The following GABBR2 variants were observed in gnomAD, a reference collection of about 807,000 sequenced individuals.
GABBR2 encodes gamma-aminobutyric acid type B receptor subunit 2, also known as G-protein coupled receptor 51.
GABBR2 carries 23 observed loss-of-function variants against 105.6 expected under a neutral mutation model. The observed-to-expected ratio is 0.22, with a 90% CI of 0.16 to 0.31. The LOEUF is 0.31. Ranked by LOEUF, GABBR2 falls within the 10% of genes least tolerant of loss-of-function variation. The pLI is 1.00. For missense variants in GABBR2, 734 were observed against 1,245.5 expected, an observed-to-expected ratio of 0.59 and a Z score of 6.18; for synonymous variants, 478 against 499.7, an observed-to-expected ratio of 0.96 and a Z score of 0.58.
Position 98,289,554 on chromosome 9 carries a change from A to G in GABBR2, c.*1030T>C, listed in dbSNP as rs1042647672. 2 of 152,484 alleles carry G rather than the reference A, an allele frequency of 1.3e-5. No homozygotes were observed. Among genetic ancestry groups the G allele is most frequent in the Admixed American group, 1.3e-4 (2 of 15,268 alleles). The allele number at this position is 152,484 out of a possible 1,614,324, so 9.4% of individuals were successfully genotyped here. On this transcript the variant is annotated 3_prime_UTR_variant, in exon 19 of 19. Transcript: ENST00000259455. Reference sequence around the variant, plus strand: ...TGGAAGCCAAGGGAAGCCCTCAGCCAGCAACTCTCTCCCCTATGTCTACGG... The same window carrying G: ...TGGAAGCCAAGGGAAGCCCTCAGCCGGCAACTCTCTCCCCTATGTCTACGG...
chr9:98,577,616 G>A lies in GABBR2; in HGVS notation c.459+319C>T, dbSNP rs544509938. Among the ~76,000 whole-genome samples the A allele has an allele frequency of 3.3e-5, 5 of 152,336 alleles. No individual in the cohort carries two copies. In the East Asian group the frequency reaches 5.8e-4, roughly 18 times the overall value. ...CTGGCAAGGCTGTGCTGTGGAGCAA[G>A]TGGAAGGAGCAGGAGATAACACTGG... On this transcript the variant is annotated intron_variant, in intron 2 of 18. Transcript: ENST00000259455.
intron 3 of GABBR2, among the ~76,000 whole-genome samples, chr9:98,503,167 G>A (rs890316202): frequency 6.6e-6 from 1 of 152,216 alleles, no homozygotes; most frequent in East Asian, 1.9e-4. Context: ...AGGCCAGGAG[G>A]TGGGGCAGGG....
chr9:98,413,641 G>C lies in GABBR2; in HGVS notation c.1237-7500C>G, dbSNP rs150216183. 1.7e-3 allele frequency among the ~76,000 whole-genome samples: 265 copies of C among 152,344 alleles called. 2 individuals carry two copies. Among genetic ancestry groups the C allele is most frequent in the African/African-American group, 6.1e-3 (252 of 41,584 alleles). ...AGGAGCAGAATGGGAGGTGGGGTCTGTCCCACTGCCAGCCTTCGGCGGGTG... is the reference window on the plus strand; with the variant it reads ...AGGAGCAGAATGGGAGGTGGGGTCTCTCCCACTGCCAGCCTTCGGCGGGTG... On this transcript the variant is annotated intron_variant, in intron 7 of 18. Coordinates refer to ENST00000259455, the MANE Select transcript of GABBR2 (RefSeq NM_005458.8).
At chr9:98,396,822 T>G (rs1176424293) in intron 8 of GABBR2, among the ~76,000 whole-genome samples, 2 of 152,142 alleles carry the variant, frequency 1.3e-5, no homozygotes, top group Non-Finnish European at 2.9e-5. Flanking sequence ...CCCCTCTGAC[T>G]CACATACGCT....
intron 13 of GABBR2, among the ~76,000 whole-genome samples, chr9:98,327,875 T>A (rs192554545): frequency 0.021 from 2,292 of 108,234 alleles, 51 homozygotes; most frequent in African/African-American, 0.063. Flanking sequence ...TCAAAAAAAA[T>A]AAAATAAAAT....
chr9:98,702,068 G>A (rs770482548), intron 1 of GABBR2, among the ~76,000 whole-genome samples: 20 of 152,008 alleles, frequency 1.3e-4, no homozygotes, highest in Admixed American at 3.3e-4. Context: ...CCATTTCATC[G>A]ATGAAGAAAC....
rs1826908954 is a variant in GABBR2, at chr9:98,480,938, G to T, written c.792C>A (p.Phe264Leu). ...QFDQNMAAKV[F>L]CCAYEENMYG... ...ATACAACTGTTTTACTTACACAACA[G>T]AACACTTTTGCTGCCATATTCTGGT... The change falls in exon 5 of 19, where the codon TTC becomes TTA. Residue 264 changes from phenylalanine (F) to leucine (L), a missense_variant. Coordinates refer to ENST00000259455, the MANE Select transcript of GABBR2 (RefSeq NM_005458.8). The T allele has an allele frequency of 6.3e-7, 1 of 1,588,588 alleles. No individual in the cohort carries two copies. The highest frequency in any genetic ancestry group is 1.7e-5 in the Admixed American group (1 of 59,992).
intron 3 of GABBR2, among the ~76,000 whole-genome samples, chr9:98,536,057 A>T (rs955423917): frequency 6.6e-6 from 1 of 152,188 alleles, no homozygotes. Flanking sequence ...GGTGAGAATG[A>T]GGAGGCTGTG....
chr9:98,490,788 T>A (rs1827160480), intron 4 of GABBR2, among the ~76,000 whole-genome samples: 1 of 152,206 alleles, frequency 6.6e-6, no homozygotes, highest in African/African-American at 2.4e-5. Context: ...CAGGACGTGG[T>A]CTCTGTGCAG....
intron 7 of GABBR2, among the ~76,000 whole-genome samples, chr9:98,429,660 G>T (rs1300485762): frequency 6.6e-6 from 1 of 152,186 alleles, no homozygotes; most frequent in Non-Finnish European, 1.5e-5. Flanking sequence ...GTGGATTACA[G>T]GAAGACAGGA....
intron 8 of GABBR2, among the ~76,000 whole-genome samples, chr9:98,397,934 G>C (rs1832323613): frequency 6.6e-6 from 1 of 152,184 alleles, no homozygotes; most frequent in South Asian, 2.1e-4. Flanking sequence ...TGGGTCTGCA[G>C]ATGGAAGGAC....
chr9:98,523,159 G>A (rs1334474286), intron 3 of GABBR2, among the ~76,000 whole-genome samples: 1 of 152,002 alleles, frequency 6.6e-6, no homozygotes, highest in Non-Finnish European at 1.5e-5. Context: ...CAAAACAAGA[G>A]TAAAAAATAA....
At chr9:98,579,571 A>T (rs561322337) in intron 1 of GABBR2, among the ~76,000 whole-genome samples, 87 of 152,306 alleles carry the variant, frequency 5.7e-4, no homozygotes, top group Non-Finnish European at 1.0e-3. Context: ...CCTGCTTTCC[A>T]TGCACTTAAA....
chr9:98,308,269 G>C (rs1316237154), intron 14 of GABBR2, among the ~76,000 whole-genome samples: 1 of 152,142 alleles, frequency 6.6e-6, no homozygotes, highest in Non-Finnish European at 1.5e-5. Flanking sequence ...GGGACCTGGT[G>C]GTTGGCTGTA....
At chr9:98,619,402 A>G (rs1411126268) in intron 1 of GABBR2, among the ~76,000 whole-genome samples, 1 of 152,222 alleles carries the variant, frequency 6.6e-6, no homozygotes, top group Non-Finnish European at 1.5e-5. Context: ...ACAGCCCAGA[A>G]AGAGAGATTT....
intron 3 of GABBR2, among the ~76,000 whole-genome samples, chr9:98,522,578 G>T (rs1164395883): frequency 6.6e-6 from 1 of 152,090 alleles, no homozygotes; most frequent in East Asian, 1.9e-4. Context: ...TATGATCATA[G>T]AAATTTATAC....
chr9:98,657,186 A>G (rs1449516228), intron 1 of GABBR2, among the ~76,000 whole-genome samples: 1 of 152,196 alleles, frequency 6.6e-6, no homozygotes, highest in Non-Finnish European at 1.5e-5. Flanking sequence ...CATTTCCATG[A>G]TGCCCCATCT....
Position 98,371,457 on chromosome 9 carries a change from T to G in GABBR2, c.1770+7A>C. 1.4e-6 allele frequency: 2 copies of G among 1,380,172 alleles called. No homozygotes were observed. The highest frequency in any genetic ancestry group is 2.1e-6 in the Non-Finnish European group (2 of 966,354). The allele number at this position is 1,380,172 out of a possible 1,614,324, so 85.5% of individuals were successfully genotyped here. A position where few individuals can be genotyped will look rare whatever the true frequency, so the allele number is the denominator to read the frequency against. On this transcript the variant is annotated splice_region_variant and intron_variant, in intron 12 of 18. Transcript: ENST00000259455. The stretch of plus-strand genomic sequence containing the variant: ...CTAATACCCTGAAACAGAAGGAGAG[T>G]GATTACCTTCTTCTTCATTTTCACA...
chr9:98,410,773 C>T (rs764872236), intron 7 of GABBR2, among the ~76,000 whole-genome samples: 4 of 152,020 alleles, frequency 2.6e-5, no homozygotes, highest in African/African-American at 4.8e-5. Context: ...TTATAAATTC[C>T]CTGGAAGTAA....
Sources: allele counts gnomAD v4.1 joint callset (sites outside exome capture counted in the v4.1 genomes callset), GRCh38; gene constraint gnomAD v4.1.1; transcripts MANE v1.5; gene names NCBI Gene and HGNC (gene_info 2026-07-23, HGNC 2026-07-21).